The following MADCAM1 variants were observed in gnomAD, a reference collection of about 807,000 sequenced individuals.
MADCAM1 encodes mucosal addressin cell adhesion molecule 1.
A neutral mutation model predicts 26.1 loss-of-function variants in MADCAM1; 19 were observed. That is an observed-to-expected ratio of 0.73 (90% CI 0.51 to 1.07). The LOEUF (loss-of-function observed/expected upper bound fraction) is 1.07. Among genes scored for constraint, MADCAM1 ranks in the 50% least tolerant of loss-of-function variants. The pLI is 0.00. For synonymous variants in MADCAM1, 268 were observed against 260.9 expected (o/e 1.03, Z -0.26); for missense variants, 514 against 542.1 (o/e 0.95, Z 0.51).
chr19:503,738 C>A (rs1045825530), intron 4 of MADCAM1, among the ~76,000 whole-genome samples: 20 of 150,998 alleles, frequency 1.3e-4, no homozygotes, highest in African/African-American at 4.6e-4. Context: ...GGTGACAGAG[C>A]AAGACTCAGT....
chr19:499,380 A>T (rs758546922), intron 3 of MADCAM1: 5 of 456,316 alleles, frequency 1.1e-5, no homozygotes, highest in Middle Eastern at 3.3e-4. Context: ...CTGATCCCCA[A>T]CGTGTACAAA....
chr19:496,627 G>A, intron 1 of MADCAM1, 76 bp downstream of exon 1: 9 of 944,456 alleles, frequency 9.5e-6, no homozygotes, highest in Non-Finnish European at 1.2e-5. Flanking sequence ...GCTCAGGAGA[G>A]GGGAGGGGGC....
chr19:504,938 C>G lies in MADCAM1; in HGVS notation c.1122C>G (p.Thr374=), dbSNP rs139350636. ...CGGCCTGGGCTGGGTTAAGGGGGAC[C>G]GGCCAGGTCGGGATCAGCCCCTCCT... ...QVSAWAGLRG[T]GQVGISPS is the part of the protein sequence containing the mutation. The change falls in exon 5 of 5, where the codon ACC becomes ACG. Residue 374 remains threonine (T), a synonymous_variant. Transcript: ENST00000215637. The G allele has an allele frequency of 4.1e-5, 65 of 1,602,278 alleles. No homozygotes were observed. Among genetic ancestry groups the G allele is most frequent in the Non-Finnish European group, 5.1e-5 (60 of 1,171,412 alleles).
intron 2 of MADCAM1, 67 bp from the exon 3 acceptor site, chr19:498,429 T>TCCGGCCC (rs1978296694): frequency 1.4e-6 from 2 of 1,399,970 alleles, no homozygotes; most frequent in Non-Finnish European, 1.9e-6. Flanking sequence ...CCCTCCGGGC[T>TCCGGCCC]CCGGCCCCTC....
In MADCAM1 at chr19:496,543, T is replaced by C; in HGVS notation, c.44T>C (p.Leu15Pro). Residue 15 changes from leucine (L) to proline (P), a missense_variant, in exon 1 of 5, where the codon CTC (leucine) becomes CCC (proline). Coordinates refer to ENST00000215637, the MANE Select transcript of MADCAM1 (RefSeq NM_130760.3). ...LALLLAGLLGLLLGQSLQVKP... is the reference protein window; with the variant it reads ...LALLLAGLLGPLLGQSLQVKP... ...CTCCTGCTGGCGGGGCTTCTGGGGC[T>C]CCTCCTCGGTGAGAAGGGGAGGGGG... 1 of 1,295,552 alleles carries C rather than the reference T, an allele frequency of 7.7e-7. No individual in the cohort carries two copies. The highest frequency in any genetic ancestry group is 3.3e-5 in the South Asian group (1 of 30,126). 80.3% of individuals were successfully genotyped at this position (1,295,552 alleles called of 1,614,324 possible).
chr19:503,375 A>T lies in MADCAM1; in HGVS notation c.929-1370A>T, dbSNP rs781599049. Among the ~76,000 whole-genome samples, 148 of 150,918 alleles carry T rather than the reference A, an allele frequency of 9.8e-4. 1 individual carries two copies. In the Middle Eastern group the frequency reaches 0.01, roughly 11 times the overall value. The stretch of plus-strand genomic sequence containing the variant: ...GGCGGGCGGATCACGAGGTCAGGAG[A>T]TCGAGACCATCCTGGCTAACACGGT... On this transcript the variant is annotated intron_variant, in intron 4 of 4. Transcript: ENST00000215637.
intron 3 of MADCAM1, 57 bp downstream of exon 3, chr19:498,882 C>T (rs1978301593): frequency 3.6e-5 from 4 of 110,856 alleles, no homozygotes; most frequent in East Asian, 4.4e-4. Flanking sequence ...ACAAGCACTT[C>T]GGGACGGGGT....
At chr19:499,975 C>G in intron 3 of MADCAM1, 1 of 426,342 alleles carries the variant, frequency 2.3e-6, no homozygotes, top group Non-Finnish European at 4.7e-6. Flanking sequence ...GCTGGGAGAC[C>G]CGGGAGGTCT....
intron 4 of MADCAM1, among the ~76,000 whole-genome samples, chr19:502,771 T>G (rs573824086): frequency 6.6e-6 from 1 of 152,344 alleles, no homozygotes; most frequent in African/African-American, 2.4e-5. Flanking sequence ...GACATATTTA[T>G]CCCTCACACA....
rs1374140492 is a variant in MADCAM1 at position 498,496 on chromosome 19, C to G, written c.338C>G (p.Ala113Gly). Residue 113 changes from alanine (A) to glycine (G), a missense_variant and splice_region_variant, in exon 3 of 5, where the codon GCC becomes GGC. Physicochemically the swap from Ala to Gly is moderately conservative, Grantham distance 60. Coordinates refer to ENST00000215637, the MANE Select transcript of MADCAM1 (RefSeq NM_130760.3). The part of the protein sequence containing the change: ...FQHTVQLLVY[A>G]FPDQLTVSPA... ...CCTCACCCCCGACCCTCCATCACAG[C>G]CTTCCCGGACCAGCTGACCGTCTCC... 1.4e-6 allele frequency: 2 copies of G among 1,463,646 alleles called. No homozygotes were observed. 90.7% of individuals were successfully genotyped at this position (1,463,646 alleles called of 1,614,324 possible). A position where few individuals can be genotyped will look rare whatever the true frequency, so the allele number is the denominator to read the frequency against.
At chr19:496,592 G>A in intron 1 of MADCAM1, 41 bp downstream of exon 1, 1 of 1,238,228 alleles carries the variant, frequency 8.1e-7, no homozygotes, top group East Asian at 3.0e-5. Context: ...AGTGAGTTAG[G>A]AGGGGGCTCA....
At chr19:503,075 G>A (rs906476230) in intron 4 of MADCAM1, among the ~76,000 whole-genome samples, 16 of 152,322 alleles carry the variant, frequency 1.1e-4, no homozygotes, top group African/African-American at 3.9e-4. Context: ...CTGATAGGAG[G>A]CTTTAGAGTA....
Position 504,857 on chromosome 19 carries a change from C to T in MADCAM1, c.1041C>T (p.His347=), listed in dbSNP as rs199656590. ...ATCACCTCTGGAAACGCTGCCGGCA[C>T]CTGGCTGAGGACGACACCCACCCAC... ...PTYHLWKRCR[H]LAEDDTHPPA... is the part of the protein sequence containing the mutation. Residue 347 remains histidine (H), a synonymous_variant, in exon 5 of 5, where the codon CAC becomes CAT. Coordinates refer to ENST00000215637, the MANE Select transcript of MADCAM1 (RefSeq NM_130760.3). 1.2e-6 allele frequency: 2 copies of T among 1,612,960 alleles called. No individual in the cohort carries two copies. The highest frequency in any genetic ancestry group is 3.3e-5 in the Admixed American group (2 of 59,998).
intron 4 of MADCAM1, 31 bp downstream of exon 4, chr19:501,960 T>A: frequency 1.7e-6 from 1 of 602,724 alleles, no homozygotes; most frequent in Non-Finnish European, 2.8e-6. Flanking sequence ...GCAGGGAGGG[T>A]GGGAAGGGCT....
At position 498,680 on chromosome 19, in the gene MADCAM1, G is replaced by A; in HGVS notation, c.522G>A (p.Glu174=). The part of the protein sequence containing the change: ...LGPEVQEEEE[E]PQGDEDVLFR... ...CGGAGGTGCAGGAGGAGGAGGAGGA[G>A]CCCCAGGGGGACGAGGACGTGCTGT... The change falls in exon 3 of 5, where the codon GAG becomes GAA. Residue 174 remains glutamate, a synonymous_variant. Coordinates refer to ENST00000215637, the MANE Select transcript of MADCAM1 (RefSeq NM_130760.3). The A allele has an allele frequency of 8.3e-6, 12 of 1,449,806 alleles. No homozygotes were observed. The highest frequency in any genetic ancestry group is 1.5e-5 in the South Asian group (1 of 66,726). 89.8% of individuals were successfully genotyped at this position (1,449,806 alleles called of 1,614,324 possible).
Position 504,914 on chromosome 19 carries a change from G to A in MADCAM1, c.1098G>A (p.Ser366=), listed in dbSNP as rs143314648. 90 of 1,612,112 alleles carry A rather than the reference G, an allele frequency of 5.6e-5. No homozygotes were observed. Among genetic ancestry groups the A allele is most frequent in the East Asian group, 3.8e-4 (17 of 44,878 alleles). The change falls in exon 5 of 5, where the codon TCG becomes TCA. Residue 366 remains serine, a synonymous_variant. Coordinates refer to ENST00000215637, the MANE Select transcript of MADCAM1 (RefSeq NM_130760.3). ...PASLRLLPQV[S]AWAGLRGTGQ... ...CTCTGAGGCTTCTGCCCCAGGTGTC[G>A]GCCTGGGCTGGGTTAAGGGGGACCG...
intron 3 of MADCAM1, among the ~76,000 whole-genome samples, chr19:500,563 C>T (rs8182622): frequency 3.3e-5 from 5 of 152,118 alleles, no homozygotes; most frequent in East Asian, 3.9e-4. Flanking sequence ...AACCCCATCT[C>T]TATTAAAAAT....
chr19:504,691 A>C, intron 4 of MADCAM1, 54 bp from the exon 5 acceptor site: 1 of 1,333,936 alleles, frequency 7.5e-7, no homozygotes, highest in Non-Finnish European at 1.0e-6. Context: ...TCCCTTCCCA[A>C]GCCTGCAGAG....
intron 3 of MADCAM1, among the ~76,000 whole-genome samples, chr19:501,007 G>A (rs1037027493): frequency 2.6e-5 from 4 of 151,918 alleles, no homozygotes; most frequent in African/African-American, 7.3e-5. Flanking sequence ...GGCAACATAC[G>A]AGACCTCCCA....
Sources: allele counts gnomAD v4.1 joint callset (sites outside exome capture counted in the v4.1 genomes callset), GRCh38; gene constraint gnomAD v4.1.1; transcripts MANE v1.5; gene names NCBI Gene and HGNC (gene_info 2026-07-23, HGNC 2026-07-21).